Variants in STK24 observed in about 807,000 individuals in gnomAD.
The protein encoded by STK24 is serine/threonine kinase 24.
STK24 carries 21 observed loss-of-function variants against 55.6 expected under a neutral mutation model. That is an observed-to-expected ratio of 0.38 (90% CI 0.27 to 0.54). The LOEUF is 0.54. Ranked by LOEUF, STK24 falls within the 20% of genes least tolerant of loss-of-function variation. The pLI, the probability that STK24 is intolerant of heterozygous loss-of-function variation, is 0.79. For synonymous variants in STK24, 200 were observed against 215.2 expected (o/e 0.93, Z 0.62); for missense variants, 383 against 538.4 (o/e 0.71, Z 2.86).
chr13:98,487,488 C>T (rs192813987), intron 2 of STK24, among the ~76,000 whole-genome samples: 175 of 152,278 alleles, frequency 1.1e-3, no homozygotes, highest in Non-Finnish European at 2.0e-3. Flanking sequence ...ACCCTGGGCC[C>T]CCATTACCCA....
chr13:98,563,324 T>C (rs545962438), intron 1 of STK24, among the ~76,000 whole-genome samples: 46 of 152,134 alleles, frequency 3.0e-4, no homozygotes, highest in African/African-American at 1.0e-3. Context: ...ACACAGGCAG[T>C]TGGGGGACCG....
chr13:98,528,314 T>G (rs182486506), intron 1 of STK24, among the ~76,000 whole-genome samples: 1 of 152,220 alleles, frequency 6.6e-6, no homozygotes, highest in Non-Finnish European at 1.5e-5. Context: ...AGACTGATTC[T>G]GCGCTCAATG....
intron 5 of STK24, among the ~76,000 whole-genome samples, chr13:98,473,539 A>G (rs1894240237): frequency 6.6e-6 from 1 of 152,098 alleles, no homozygotes; most frequent in Non-Finnish European, 1.5e-5. Context: ...GAAAAGGGTC[A>G]ACAGCCAAAG....
At chr13:98,533,070 T>G (rs1485169839) in intron 1 of STK24, among the ~76,000 whole-genome samples, 3 of 152,218 alleles carry the variant, frequency 2.0e-5, no homozygotes, top group Admixed American at 6.5e-5. Flanking sequence ...TTGCAAAGTC[T>G]AGGTCTACAC....
intron 1 of STK24, among the ~76,000 whole-genome samples, chr13:98,574,673 G>C (rs1897834603): frequency 6.6e-6 from 1 of 152,182 alleles, no homozygotes; most frequent in African/African-American, 2.4e-5. Flanking sequence ...AACTGTAACA[G>C]CTGAAAATCT....
Position 98,448,194 on chromosome 13 carries a change from G to T in STK24, c.*4979C>A. 1.9e-6 allele frequency: 3 copies of T among 1,547,760 alleles called. No individual in the cohort carries two copies. Among genetic ancestry groups the T allele is most frequent in the Non-Finnish European group, 2.7e-6 (3 of 1,120,146 alleles). Reference sequence around the variant, plus strand: ...ATGCCCACCAAAGTGTCAGGAGTCCGTCCAAACAAAAGGTTGACTAACTGG... The same window carrying T: ...ATGCCCACCAAAGTGTCAGGAGTCCTTCCAAACAAAAGGTTGACTAACTGG... On this transcript the variant is annotated 3_prime_UTR_variant, in exon 11 of 11. Coordinates refer to ENST00000539966, the MANE Select transcript of STK24 (RefSeq NM_001032296.4).
chr13:98,576,592 G>A (rs1167910635), intron 1 of STK24, among the ~76,000 whole-genome samples, 153 bp downstream of exon 1: 1 of 151,788 alleles, frequency 6.6e-6, no homozygotes, highest in African/African-American at 2.4e-5. Flanking sequence ...CCAGGGACTC[G>A]GACTCGGACC....
chr13:98,535,036 C>T (rs1018207071), intron 1 of STK24, among the ~76,000 whole-genome samples: 7 of 152,226 alleles, frequency 4.6e-5, no homozygotes, highest in Non-Finnish European at 1.0e-4. Flanking sequence ...GGAGTTTCAT[C>T]AGGCAAGAAT....
chr13:98,503,024 G>GTGTTTTTTTTTTTTTTT (rs1555306356), intron 2 of STK24, among the ~76,000 whole-genome samples: 5 of 107,058 alleles, frequency 4.7e-5, no homozygotes, highest in African/African-American at 2.0e-4. Context: ...CTTTCCATGT[G>GTGTTTTTTTTTTTTTTT]TTTTTTTTTT....
chr13:98,554,395 T>G (rs1897235590), intron 1 of STK24, among the ~76,000 whole-genome samples: 1 of 152,176 alleles, frequency 6.6e-6, no homozygotes, highest in Non-Finnish European at 1.5e-5. Context: ...ACACAGGCGC[T>G]CCAATGTAAC....
chr13:98,548,294 C>T (rs1897077429), intron 1 of STK24, among the ~76,000 whole-genome samples: 2 of 152,144 alleles, frequency 1.3e-5, no homozygotes, highest in South Asian at 4.1e-4. Context: ...TAAAACTGGA[C>T]ATAGTAAGTG....
Position 98,461,016 on chromosome 13 carries a change from C to G in STK24, c.1054-576G>C, listed in dbSNP as rs865851969. The stretch of plus-strand genomic sequence containing the variant: ...TGAGCTCTGATGGCACCACTGCACT[C>G]CAGCCTGGGCAACAGAGACCCCGTC... On this transcript the variant is annotated intron_variant, in intron 8 of 10. Transcript: ENST00000539966. Among the ~76,000 whole-genome samples, 18 of 150,744 alleles carry G rather than the reference C, an allele frequency of 1.2e-4. 1 individual carries two copies. Among genetic ancestry groups the G allele is most frequent in the Middle Eastern group, 6.8e-3 (2 of 294 alleles).
rs1172886839 is a variant in STK24, at chr13:98,447,044, C to T, written c.*6129G>A. On this transcript the variant is annotated 3_prime_UTR_variant, in exon 11 of 11. Transcript: ENST00000539966. ...TTACCCTGCACGGTGTTGGCTGAGG[C>T]CCTAGACATCTTGCTTGGAGATCTC... 10 of 513,210 alleles carry T rather than the reference C, an allele frequency of 1.9e-5. No homozygotes were observed. The highest frequency in any genetic ancestry group is 3.2e-5 in the Non-Finnish European group (9 of 285,414). 31.8% of individuals were successfully genotyped at this position (513,210 alleles called of 1,614,324 possible).
intron 1 of STK24, among the ~76,000 whole-genome samples, chr13:98,535,895 C>G (rs1896718046): frequency 1.3e-5 from 2 of 152,222 alleles, no homozygotes; most frequent in Admixed American, 6.5e-5. Flanking sequence ...TTCCCATTCC[C>G]TACAGGTGAA....
At chr13:98,472,958 C>T (rs1894207946) in intron 5 of STK24, among the ~76,000 whole-genome samples, 1 of 152,026 alleles carries the variant, frequency 6.6e-6, no homozygotes, top group Admixed American at 6.5e-5. Context: ...AATGGCCGCA[C>T]ACTGAGGTGC....
At chr13:98,542,732 G>A (rs1328802446) in intron 1 of STK24, 9 of 679,404 alleles carry the variant, frequency 1.3e-5, no homozygotes, top group Admixed American at 6.3e-5. Flanking sequence ...TGAAAGTGAC[G>A]GGAAGCAAAG....
Position 98,519,292 on chromosome 13 carries a change from C to G in STK24, c.224G>C (p.Ser75Thr). ...GGTTACATATGGACTGTCACACTGA[C>G]TCAGCACTGTGATTTCTTGTTGAAT... is the stretch of plus-strand genomic sequence containing the variant. Reference protein sequence around the residue: ...EDIQQEITVLSQCDSPYVTKY... With the variant: ...EDIQQEITVLTQCDSPYVTKY... The change falls in exon 2 of 11, where the codon AGT (serine) becomes ACT (threonine). Residue 75 changes from serine (S) to threonine (T), a missense_variant. Physicochemically the swap from Ser to Thr is moderately conservative, Grantham distance 58. Coordinates refer to ENST00000539966, the MANE Select transcript of STK24 (RefSeq NM_001032296.4). 6.2e-7 allele frequency: 1 copy of G among 1,614,240 alleles called. No individual in the cohort carries two copies. Among genetic ancestry groups the G allele is most frequent in the Non-Finnish European group, 8.5e-7 (1 of 1,180,036 alleles).
At chr13:98,470,889 T>A (rs1460763965) in intron 5 of STK24, among the ~76,000 whole-genome samples, 4 of 152,366 alleles carry the variant, frequency 2.6e-5, no homozygotes, top group Admixed American at 2.6e-4. Flanking sequence ...AAATCACAGC[T>A]GTAATCAATC....
Position 98,531,143 on chromosome 13 carries a change from T to C in STK24, c.43-11670A>G, listed in dbSNP as rs144794049. Among the ~76,000 whole-genome samples, 4 of 152,330 alleles carry C rather than the reference T, an allele frequency of 2.6e-5. No homozygotes were observed. The East Asian group carries it at 7.7e-4, about 29-fold the overall frequency. ...AAGAGGCATTCTGTGCTGGAAGGAA[T>C]AGTGAACAATTTGTCTAAAGCAAGC... On this transcript the variant is annotated intron_variant, in intron 1 of 10. Coordinates refer to ENST00000539966, the MANE Select transcript of STK24 (RefSeq NM_001032296.4).
Sources: allele counts gnomAD v4.1 joint callset (sites outside exome capture counted in the v4.1 genomes callset), GRCh38; gene constraint gnomAD v4.1.1; transcripts MANE v1.5; gene names NCBI Gene and HGNC (gene_info 2026-07-23, HGNC 2026-07-21).